DUSP16: variants seen among roughly 807,000 people sequenced by gnomAD.
DUSP16 encodes dual specificity phosphatase 16, also known as dual specificity protein phosphatase 16.
In DUSP16, 21 loss-of-function variants were observed where a neutral mutation model predicts 58.3. The observed-to-expected ratio is 0.36, with a 90% CI of 0.26 to 0.52. The LOEUF is 0.52. Among genes scored for constraint, DUSP16 ranks in the 20% least tolerant of loss-of-function variants. The pLI, the probability that DUSP16 is intolerant of heterozygous loss-of-function variation, is 0.94. For missense variants in DUSP16, 726 were observed against 819.0 expected, an observed-to-expected ratio of 0.89 and a Z score of 1.39; for synonymous variants, 320 against 323.8, an observed-to-expected ratio of 0.99 and a Z score of 0.12.
chr12:12,481,310 T>C (rs1943560385), intron 5 of DUSP16, among the ~76,000 whole-genome samples: 1 of 152,176 alleles, frequency 6.6e-6, no homozygotes, highest in Admixed American at 6.5e-5. Context: ...AATATGTACA[T>C]GTGGCAGGGG....
At chr12:12,490,102 G>A (rs533977362) in intron 4 of DUSP16, among the ~76,000 whole-genome samples, 1 of 152,168 alleles carries the variant, frequency 6.6e-6, no homozygotes, top group South Asian at 2.1e-4. Flanking sequence ...TTTTTTTGTA[G>A]AGACAGGGTC....
At chr12:12,545,916 C>T (rs1944635485) in intron 1 of DUSP16, among the ~76,000 whole-genome samples, 2 of 152,112 alleles carry the variant, frequency 1.3e-5, no homozygotes, top group South Asian at 4.1e-4. Context: ...GAAATGGTAA[C>T]CAAATCACAG....
intron 3 of DUSP16, among the ~76,000 whole-genome samples, chr12:12,507,829 G>A (rs542762111): frequency 3.3e-5 from 5 of 152,286 alleles, no homozygotes; most frequent in East Asian, 1.9e-4. Context: ...GGCTGGTCTC[G>A]AACTCCCAAC....
In DUSP16 at chr12:12,474,999, A is replaced by G. The variant is rs1414100022; in HGVS notation, c.*1834T>C. 1 of 152,154 alleles carries G rather than the reference A, an allele frequency of 6.6e-6. No homozygotes were observed. Among genetic ancestry groups the G allele is most frequent in the Non-Finnish European group, 1.5e-5 (1 of 68,020 alleles). The allele number at this position is 152,154 out of a possible 1,614,324, so 9.4% of individuals were successfully genotyped here. On this transcript the variant is annotated 3_prime_UTR_variant, in exon 7 of 7. Coordinates refer to ENST00000298573, the MANE Select transcript of DUSP16 (RefSeq NM_030640.3). ...TTCACTTTACACCCCATCATAGCAC[A>G]TTATTTGTGCACAACTAGTGAGGTC...
chr12:12,530,593 A>T (rs1944369527), intron 1 of DUSP16, among the ~76,000 whole-genome samples: 1 of 152,138 alleles, frequency 6.6e-6, no homozygotes, highest in Admixed American at 6.5e-5. Context: ...GTGTGAAAAA[A>T]CATATATATA....
intron 1 of DUSP16, among the ~76,000 whole-genome samples, chr12:12,534,637 T>C (rs1944439955): frequency 6.6e-6 from 1 of 152,226 alleles, no homozygotes; most frequent in South Asian, 2.1e-4. Flanking sequence ...TCTTCCTGTC[T>C]GATGTTAAGC....
At chr12:12,484,166 G>A (rs1943633355) in intron 5 of DUSP16, among the ~76,000 whole-genome samples, 1 of 151,914 alleles carries the variant, frequency 6.6e-6, no homozygotes, top group Non-Finnish European at 1.5e-5. Flanking sequence ...AGAAGACTTA[G>A]CAATTGTAGT....
chr12:12,492,044 G>A (rs961147504), intron 4 of DUSP16, among the ~76,000 whole-genome samples: 24 of 151,956 alleles, frequency 1.6e-4, no homozygotes, highest in African/African-American at 3.4e-4. Context: ...TCAATTGTTC[G>A]TACTCACTTG....
chr12:12,479,278 GA>G (rs35668961), intron 6 of DUSP16, among the ~76,000 whole-genome samples: 6 of 150,042 alleles, frequency 4.0e-5, no homozygotes, highest in South Asian at 2.1e-4. Flanking sequence ...AAGGAACAAG[GA>G]AAAAAAAAAC....
chr12:12,538,422 G>A (rs1264101048), intron 1 of DUSP16, among the ~76,000 whole-genome samples: 1 of 152,194 alleles, frequency 6.6e-6, no homozygotes, highest in Non-Finnish European at 1.5e-5. Context: ...CTTCTGGCAA[G>A]TTAATAATGT....
At chr12:12,523,047 C>T (rs934345634) in intron 1 of DUSP16, among the ~76,000 whole-genome samples, 9 of 152,076 alleles carry the variant, frequency 5.9e-5, no homozygotes, top group Non-Finnish European at 1.2e-4. Context: ...CTTTAAAAAC[C>T]TTTAGATCAT....
intron 3 of DUSP16, among the ~76,000 whole-genome samples, chr12:12,502,176 ACTG>A (rs1943919981): frequency 6.6e-6 from 1 of 152,106 alleles, no homozygotes; most frequent in South Asian, 2.1e-4. Context: ...GCCCTTGAAA[ACTG>A]CTAGAAGTGC....
chr12:12,556,475 T>C (rs1427931456), intron 1 of DUSP16, among the ~76,000 whole-genome samples: 1 of 151,924 alleles, frequency 6.6e-6, no homozygotes, highest in Non-Finnish European at 1.5e-5. Context: ...CTTGGGAGGC[T>C]GAGGCAGGAG....
At chr12:12,539,308 A>C (rs996138632) in intron 1 of DUSP16, among the ~76,000 whole-genome samples, 1 of 152,222 alleles carries the variant, frequency 6.6e-6, no homozygotes, top group African/African-American at 2.4e-5. Context: ...AATTTGAATA[A>C]TAATAAAGGA....
chr12:12,527,968 T>C (rs1330774214), intron 1 of DUSP16, among the ~76,000 whole-genome samples: 1 of 152,200 alleles, frequency 6.6e-6, no homozygotes, highest in Non-Finnish European at 1.5e-5. Context: ...GCCTGCGCTT[T>C]TAGGCACAGG....
chr12:12,545,836 CA>C (rs1210837466), intron 1 of DUSP16, among the ~76,000 whole-genome samples: 1 of 152,070 alleles, frequency 6.6e-6, no homozygotes, highest in Admixed American at 6.6e-5. Context: ...ACAATCTAGC[CA>C]AAACTATATG....
chr12:12,515,328 T>C (rs1218754452), intron 3 of DUSP16, among the ~76,000 whole-genome samples: 1 of 121,366 alleles, frequency 8.2e-6, no homozygotes, highest in Non-Finnish European at 1.8e-5. Flanking sequence ...TCTATTAATA[T>C]GCTTTTTTTT....
intron 1 of DUSP16, among the ~76,000 whole-genome samples, chr12:12,551,460 TA>T (rs61650727): frequency 0.18 from 23,777 of 134,010 alleles, 2,592 homozygotes; most frequent in African/African-American, 0.32. Context: ...GAGACTGTAT[TA>T]AAAAAAAAAA....
chr12:12,514,653 C>T (rs1446557088), intron 3 of DUSP16, among the ~76,000 whole-genome samples: 1 of 152,122 alleles, frequency 6.6e-6, no homozygotes, highest in Non-Finnish European at 1.5e-5. Flanking sequence ...CTCTCTCTAG[C>T]TCTACCTTGT....
Sources: gnomAD v4.1 joint callset for allele counts (sites outside exome capture counted in the v4.1 genomes callset) on GRCh38, gnomAD v4.1.1 for gene constraint, MANE v1.5 for transcripts, NCBI Gene and HGNC (gene_info 2026-07-23, HGNC 2026-07-21) for gene names.